The following HOXC4 variants were observed in gnomAD, a reference collection of about 807,000 sequenced individuals.
HOXC4 encodes the protein homeobox C4, also known as homeobox protein Hox-C4.
HOXC4 carries 15 observed loss-of-function variants against 25.5 expected under a neutral mutation model. That is an observed-to-expected ratio of 0.59 (90% CI 0.39 to 0.91). The LOEUF (loss-of-function observed/expected upper bound fraction) is 0.91, where lower values mean the gene tolerates loss of function less well. Among genes scored for constraint, HOXC4 ranks in the 40% least tolerant of loss-of-function variants. The pLI is 0.00. For missense variants in HOXC4, 342 were observed against 352.4 expected, an observed-to-expected ratio of 0.97 and a Z score of 0.24; for synonymous variants, 165 against 148.0, an observed-to-expected ratio of 1.11 and a Z score of -0.83.
chr12:54,054,482 G>T (rs1204071000), intron 1 of HOXC4, 121 bp downstream of exon 1: 5 of 671,286 alleles, frequency 7.4e-6, no homozygotes, highest in Non-Finnish European at 1.0e-5. Context: ...CTCCAGGAGC[G>T]ACTCTGGGTT....
chr12:54,037,775 G>A (rs962754210), intron 1 of HOXC4: 2 of 152,182 alleles, frequency 1.3e-5, no homozygotes, highest in Admixed American at 1.3e-4. Flanking sequence ...TAGCCTGAAG[G>A]CAAGCCCGTG....
rs769068293 is a variant in HOXC4, at chr12:54,053,892, C to A, written c.-31C>A. ...TTTATGGAGCAGAAAAACGACAAAG[C>A]GAGAAAAATTATTTTCCACTCCAGA... On this transcript the variant is annotated 5_prime_UTR_variant, in exon 1 of 2. Transcript: ENST00000430889. 21 of 1,556,492 alleles carry A rather than the reference C, an allele frequency of 1.3e-5. 2 individuals carry two copies. The South Asian group carries it at 2.3e-4, about 17-fold the overall frequency.
At chr12:54,034,316 T>C in intron 1 of HOXC4, 2 of 1,614,130 alleles carry the variant, frequency 1.2e-6, no homozygotes, top group Middle Eastern at 1.6e-4. Context: ...TTACACGCGC[T>C]ACCAGACTCT....
intron 1 of HOXC4, among the ~76,000 whole-genome samples, chr12:54,040,914 G>A (rs1019177957): frequency 3.3e-5 from 5 of 152,176 alleles, no homozygotes; most frequent in East Asian, 1.9e-4. Context: ...GGTACCTTTC[G>A]TTTGTCGAAT....
chr12:54,033,286 C>A, intron 1 of HOXC4: 1 of 1,614,210 alleles, frequency 6.2e-7, no homozygotes, highest in Non-Finnish European at 8.5e-7. Context: ...CCTGCGCCTT[C>A]CAACTCTCTC....
upstream of HOXC4, among the ~76,000 whole-genome samples, chr12:54,049,658 C>G (rs1937798588): frequency 6.6e-6 from 1 of 150,870 alleles, no homozygotes; most frequent in Non-Finnish European, 1.5e-5. Flanking sequence ...CTTTTACTGA[C>G]AAGAGATTTA....
rs1480007528 is a variant in HOXC4, at chr12:54,019,134, A to G, written c.-124+1720A>G. ...CAGCCATCATAAAGGCCTCTGAGGT[A>G]TTCTCCCGCGGGAAGAAATGGCATT... On this transcript the variant is annotated intron_variant, in intron 1 of 3. Coordinates refer to the HOXC4 transcript ENST00000303406. Among the ~76,000 whole-genome samples, 6 of 129,180 alleles carry G rather than the reference A, an allele frequency of 4.6e-5. No individual in the cohort carries two copies. The Admixed American group carries it at 5.4e-4, about 12-fold the overall frequency. 84.7% of individuals were successfully genotyped at this position (129,180 alleles called of 152,430 possible).
chr12:54,032,764 T>G (rs1350827495), intron 1 of HOXC4: 3 of 168,506 alleles, frequency 1.8e-5, no homozygotes, highest in African/African-American at 2.4e-5. Flanking sequence ...GCTGTGGGCT[T>G]GTTGTCCCGG....
At chr12:54,039,893 G>C (rs1007468871) in intron 1 of HOXC4, among the ~76,000 whole-genome samples, 1 of 152,100 alleles carries the variant, frequency 6.6e-6, no homozygotes, top group African/African-American at 2.4e-5. Context: ...TCTCTGTGTA[G>C]ACGGGCATTC....
chr12:54,048,194 A>G (rs1470095287), intron 1 of HOXC4, among the ~76,000 whole-genome samples: 1 of 152,024 alleles, frequency 6.6e-6, no homozygotes, highest in Non-Finnish European at 1.5e-5. Flanking sequence ...AAGAGAAAAA[A>G]AGGCACACCG....
rs774938913 is a variant in HOXC4, at chr12:54,054,839, C to T, written c.440-11C>T. On this transcript the variant is annotated splice_polypyrimidine_tract_variant and intron_variant, in intron 1 of 1. Transcript: ENST00000430889. ...TCTGAACCCCACTATTTGCTTTTCCCCTCCCCCCAGTGAACCCCAATTATA... is the reference window on the plus strand; with the variant it reads ...TCTGAACCCCACTATTTGCTTTTCCTCTCCCCCCAGTGAACCCCAATTATA... 4 of 1,586,896 alleles carry T rather than the reference C, an allele frequency of 2.5e-6. No homozygotes were observed. Among genetic ancestry groups the T allele is most frequent in the African/African-American group, 2.7e-5 (2 of 74,194 alleles).
intron 1 of HOXC4, among the ~76,000 whole-genome samples, chr12:54,031,413 C>T (rs1940982403): frequency 6.6e-6 from 1 of 152,222 alleles, no homozygotes; most frequent in Admixed American, 6.5e-5. Context: ...GGAAACTGAG[C>T]TCTCGCCTGC....
intron 1 of HOXC4, among the ~76,000 whole-genome samples, chr12:54,041,406 T>C (rs1941269543): frequency 1.3e-5 from 2 of 152,194 alleles, no homozygotes; most frequent in Non-Finnish European, 2.9e-5. Flanking sequence ...CTTGCCCTCT[T>C]TGAGCTAAGG....
intron 1 of HOXC4, among the ~76,000 whole-genome samples, chr12:54,041,886 A>G (rs1941279073): frequency 6.6e-6 from 1 of 151,952 alleles, no homozygotes; most frequent in South Asian, 2.1e-4. Flanking sequence ...CATGTTGCCC[A>G]GGCTGACCTC....
intron 1 of HOXC4, among the ~76,000 whole-genome samples, chr12:54,027,940 AG>A (rs1369590992): frequency 6.6e-6 from 1 of 152,114 alleles, no homozygotes; most frequent in African/African-American, 2.4e-5. Flanking sequence ...ATACTAGTTT[AG>A]TGATGGGACT....
At chr12:54,016,986 A>T (rs1486423481) in exon 1 of HOXC4, 4 of 151,986 alleles carry the variant, frequency 2.6e-5, no homozygotes, top group African/African-American at 9.6e-5. Flanking sequence ...AATCTGATTA[A>T]TAATTATTTT....
intron 1 of HOXC4, among the ~76,000 whole-genome samples, chr12:54,024,249 G>A (rs1171334162): frequency 2.0e-5 from 3 of 152,250 alleles, no homozygotes; most frequent in South Asian, 4.1e-4. Context: ...GGGTGGTGGG[G>A]GCAGGGTCGG....
chr12:54,043,010 G>A (rs1472878573), intron 1 of HOXC4, among the ~76,000 whole-genome samples: 2 of 152,188 alleles, frequency 1.3e-5, no homozygotes, highest in Non-Finnish European at 2.9e-5. Flanking sequence ...CCAATCCTAA[G>A]GTTCACTGAG....
At chr12:54,029,525 G>A (rs1204213192) in intron 1 of HOXC4, 1 of 930,250 alleles carries the variant, frequency 1.1e-6, no homozygotes, top group East Asian at 2.5e-5. Context: ...GCAAAAGGGA[G>A]AAGGCTAGAG....
Sources: allele counts gnomAD v4.1 joint callset (sites outside exome capture counted in the v4.1 genomes callset), GRCh38; gene constraint gnomAD v4.1.1; transcripts MANE v1.5; gene names NCBI Gene and HGNC (gene_info 2026-07-23, HGNC 2026-07-21).